The following HYKK variants were observed in gnomAD, a reference collection of about 807,000 sequenced individuals.
HYKK encodes hydroxylysine kinase.
A neutral mutation model predicts 29.7 loss-of-function variants in HYKK; 19 were observed. The observed-to-expected ratio is 0.64, with a 90% CI of 0.45 to 0.94. The LOEUF (loss-of-function observed/expected upper bound fraction) is 0.94, where lower values mean the gene tolerates loss of function less well. Ranked by LOEUF, HYKK falls within the 40% of genes least tolerant of loss-of-function variation. The pLI, the probability that HYKK is intolerant of heterozygous loss-of-function variation, is 0.00. For missense variants in HYKK, 390 were observed against 443.4 expected, an observed-to-expected ratio of 0.88 and a Z score of 1.08; for synonymous variants, 152 against 158.1, an observed-to-expected ratio of 0.96 and a Z score of 0.29.
In HYKK at chr15:78,527,548, A is replaced by G; in HGVS notation, c.646A>G (p.Ser216Gly). The stretch of plus-strand genomic sequence containing the variant: ...CAAGGAGGAAGTAATGACCAAATTA[A>G]GTCATTTTCGAGAATGTGAGTATTC... ...LFKEEVMTKLSHFRECINHGD... is the reference protein window; with the variant it reads ...LFKEEVMTKLGHFRECINHGD... Residue 216 changes from serine to glycine, a missense_variant, in exon 4 of 5, where the codon AGT becomes GGT. Coordinates refer to ENST00000388988, the MANE Select transcript of HYKK (RefSeq NM_001013619.4). 1 of 1,613,810 alleles carries G rather than the reference A, an allele frequency of 6.2e-7. No homozygotes were observed. The highest frequency in any genetic ancestry group is 8.5e-7 in the Non-Finnish European group (1 of 1,179,752).
At chr15:78,514,876 T>C in intron 2 of HYKK, 92 bp from the exon 3 acceptor site, 2 of 365,534 alleles carry the variant, frequency 5.5e-6, no homozygotes. Flanking sequence ...TCTAATTCTG[T>C]TATATCTAAA....
At chr15:78,532,241 G>A (rs1171195217) in intron 4 of HYKK, among the ~76,000 whole-genome samples, 1 of 152,176 alleles carries the variant, frequency 6.6e-6, no homozygotes, top group Non-Finnish European at 1.5e-5. Context: ...AACCATGGGA[G>A]TTTGACAAAA....
At position 78,533,432 on chromosome 15, in the gene HYKK, C is replaced by T. The variant is rs1324970359; in HGVS notation, c.884C>T (p.Thr295Ile). The T allele has an allele frequency of 6.2e-7, 1 of 1,614,160 alleles. No homozygotes were observed. Among genetic ancestry groups the T allele is most frequent in the South Asian group, 1.1e-5 (1 of 91,080 alleles). Residue 295 changes from threonine (T) to isoleucine (I), a missense_variant, in exon 5 of 5, where the codon ACC (threonine) becomes ATC (isoleucine). Physicochemically the swap from Thr to Ile is moderately conservative, Grantham distance 89 (BLOSUM62 -1). Coordinates refer to ENST00000388988, the MANE Select transcript of HYKK (RefSeq NM_001013619.4). ...GHVLAGFESI[T>I]PLTAVEKGAL... ...GTCCTTGCAGGGTTTGAAAGCATCA[C>T]CCCACTGACAGCTGTAGAGAAGGGT... is the stretch of plus-strand genomic sequence containing the variant.
At chr15:78,510,026 G>A (rs2052055963) in intron 1 of HYKK, among the ~76,000 whole-genome samples, 1 of 152,008 alleles carries the variant, frequency 6.6e-6, no homozygotes, top group Non-Finnish European at 1.5e-5. Flanking sequence ...GGGGCTAGGG[G>A]GTGGTTAGCG....
intron 4 of HYKK, among the ~76,000 whole-genome samples, chr15:78,531,359 A>T (rs977132915): frequency 6.6e-6 from 1 of 152,204 alleles, no homozygotes; most frequent in African/African-American, 2.4e-5. Flanking sequence ...TTATATGCCC[A>T]TTAGGTCAAG....
In HYKK at chr15:78,513,336, A is replaced by G. The variant is rs748143699; in HGVS notation, c.248A>G (p.His83Arg). Residue 83 changes from histidine (H) to arginine (R), a missense_variant, in exon 2 of 5, where the codon CAC becomes CGC. His to Arg is a conservative substitution (Grantham distance 29). Transcript: ENST00000388988. The stretch of plus-strand genomic sequence containing the variant: ...CCAGACCTGATTGAAGTGCAGAATC[A>G]CATCATCATGTTTCTGAAAGCCGCT... ...KNPDLIEVQN[H>R]IIMFLKAAGF... is the part of the protein sequence containing the mutation. 2 of 1,614,204 alleles carry G rather than the reference A, an allele frequency of 1.2e-6. No individual in the cohort carries two copies. Among genetic ancestry groups the G allele is most frequent in the African/African-American group, 1.3e-5 (1 of 75,052 alleles).
intron 1 of HYKK, among the ~76,000 whole-genome samples, chr15:78,509,729 C>A (rs1334403721): frequency 6.6e-6 from 1 of 152,130 alleles, no homozygotes; most frequent in Non-Finnish European, 1.5e-5. Flanking sequence ...AGTTTTAAGC[C>A]TAAATACAGT....
intron 3 of HYKK, among the ~76,000 whole-genome samples, chr15:78,526,374 A>G (rs889549774): frequency 1.3e-5 from 2 of 152,244 alleles, no homozygotes; most frequent in Non-Finnish European, 2.9e-5. Context: ...AAGTGGTAAG[A>G]AGAAAAAATA....
chr15:78,528,128 C>T (rs1452065193), intron 4 of HYKK: 2 of 152,992 alleles, frequency 1.3e-5, no homozygotes, highest in East Asian at 3.8e-4. Flanking sequence ...GTCCCCAAAC[C>T]CCAGGAACTG....
At chr15:78,523,719 C>T (rs1443732953) in intron 3 of HYKK, among the ~76,000 whole-genome samples, 1 of 152,188 alleles carries the variant, frequency 6.6e-6, no homozygotes, top group Non-Finnish European at 1.5e-5. Context: ...TTCTAAGATA[C>T]AATGGGAGTA....
At chr15:78,516,295 A>T (rs775623021) in intron 3 of HYKK, among the ~76,000 whole-genome samples, 1 of 151,418 alleles carries the variant, frequency 6.6e-6, no homozygotes, top group Non-Finnish European at 1.5e-5. Context: ...CTTCATTGTC[A>T]TCCTCATTTT....
At chr15:78,518,243 A>G (rs12912022) in intron 3 of HYKK, among the ~76,000 whole-genome samples, 44,630 of 152,128 alleles carry the variant, frequency 0.29, 7,828 homozygotes, top group Non-Finnish European at 0.41. Context: ...ACTAGAGTGC[A>G]GTGGCACGAT....
chr15:78,526,858 A>G (rs2052259381), intron 3 of HYKK, among the ~76,000 whole-genome samples: 1 of 152,220 alleles, frequency 6.6e-6, no homozygotes, highest in African/African-American at 2.4e-5. Context: ...CAAGTCAATG[A>G]CCATGAGAGA....
chr15:78,513,491 TA>T (rs1290067670), intron 2 of HYKK, 66 bp downstream of exon 2: 1 of 1,149,876 alleles, frequency 8.7e-7, no homozygotes, highest in Non-Finnish European at 1.3e-6. Context: ...TGGCCACAAG[TA>T]GAACTATGAA....
At chr15:78,507,775 G>C (rs558965442) in intron 1 of HYKK, 104 bp downstream of exon 1, 2 of 152,496 alleles carry the variant, frequency 1.3e-5, no homozygotes, top group South Asian at 4.1e-4. Context: ...GGAGCCGGGA[G>C]TCCTATGCCT....
intron 3 of HYKK, among the ~76,000 whole-genome samples, chr15:78,519,415 C>T (rs2052168479): frequency 6.6e-6 from 1 of 152,206 alleles, no homozygotes; most frequent in Admixed American, 6.5e-5. Flanking sequence ...ATAGCCCTTT[C>T]TAATTAATAT....
chr15:78,532,553 G>T (rs916856460), intron 4 of HYKK, among the ~76,000 whole-genome samples: 2 of 152,296 alleles, frequency 1.3e-5, no homozygotes, highest in South Asian at 4.1e-4. Context: ...CCAGCACTTT[G>T]GGAGGCTGAG....
At chr15:78,522,531 C>A (rs1356006642) in intron 3 of HYKK, among the ~76,000 whole-genome samples, 2 of 146,864 alleles carry the variant, frequency 1.4e-5, no homozygotes, top group Non-Finnish European at 3.0e-5. Flanking sequence ...TGCTCTCCAG[C>A]CTGGGTGACA....
intron 3 of HYKK, among the ~76,000 whole-genome samples, chr15:78,525,129 T>G (rs954720392): frequency 6.6e-6 from 1 of 152,078 alleles, no homozygotes; most frequent in Admixed American, 6.5e-5. Flanking sequence ...TGAAATCCAT[T>G]TAGAGGAACT....
Sources: allele counts gnomAD v4.1 joint callset (sites outside exome capture counted in the v4.1 genomes callset), GRCh38; gene constraint gnomAD v4.1.1; transcripts MANE v1.5; gene names NCBI Gene and HGNC (gene_info 2026-07-23, HGNC 2026-07-21).